Variants in C2CD3 observed in about 807,000 individuals in gnomAD.
C2CD3 encodes the protein C2 domain containing 3 centriole elongation regulator.
A neutral mutation model predicts 234.0 loss-of-function variants in C2CD3; 148 were observed. The ratio of observed to expected loss-of-function variants is 0.63; its 90% CI spans 0.55 to 0.72. The LOEUF (loss-of-function observed/expected upper bound fraction) is 0.72. C2CD3 is among the 30% of genes least tolerant of loss of function. The pLI, the probability that C2CD3 is intolerant of heterozygous loss-of-function variation, is 0.00. For missense variants in C2CD3, 2,577 were observed against 2,811.5 expected (o/e 0.92, Z 1.89); for synonymous variants, 1,000 against 1,035.4 (o/e 0.97, Z 0.66).
chr11:74,096,085 G>A (rs997950400), intron 16 of C2CD3, among the ~76,000 whole-genome samples: 7 of 152,202 alleles, frequency 4.6e-5, no homozygotes, highest in South Asian at 2.1e-4. Context: ...ACAAATAATC[G>A]TGTATTTATT....
At chr11:74,048,481 C>T (rs535953814) in intron 27 of C2CD3, 143 bp from the exon 28 acceptor site, 1 of 741,850 alleles carries the variant, frequency 1.3e-6, no homozygotes, top group Admixed American at 2.9e-5. Context: ...AAACAATTTA[C>T]ATACATTTTC....
At chr11:74,057,159 A>G (rs1953995964) in intron 25 of C2CD3, among the ~76,000 whole-genome samples, 1 of 152,202 alleles carries the variant, frequency 6.6e-6, no homozygotes, top group African/African-American at 2.4e-5. Flanking sequence ...CAAGTGCCTA[A>G]AACAGAGAGG....
intron 13 of C2CD3, among the ~76,000 whole-genome samples, chr11:74,105,484 T>C (rs1956483092): frequency 6.6e-6 from 1 of 152,184 alleles, no homozygotes; most frequent in Non-Finnish European, 1.5e-5. Context: ...TTGCCCAGGC[T>C]GGTCTAGAAC....
intron 19 of C2CD3, among the ~76,000 whole-genome samples, chr11:74,092,059 TA>T (rs1404966508): frequency 8.6e-4 from 131 of 151,450 alleles, no homozygotes; most frequent in African/African-American, 2.9e-3. Flanking sequence ...TATATATATA[TA>T]TTTTTTTTTT....
chr11:74,109,304 T>G (rs1441271807), intron 11 of C2CD3, 152 bp from the exon 12 acceptor site: 1 of 561,128 alleles, frequency 1.8e-6, no homozygotes, highest in African/African-American at 1.9e-5. Flanking sequence ...GTGCTAGGGT[T>G]GTAGGATTGA....
intron 24 of C2CD3, among the ~76,000 whole-genome samples, chr11:74,064,098 C>T (rs1487412652): frequency 1.3e-5 from 2 of 151,748 alleles, no homozygotes; most frequent in African/African-American, 4.8e-5. Context: ...CTTCCTGTGT[C>T]CATGTGTTCT....
intron 5 of C2CD3, among the ~76,000 whole-genome samples, chr11:74,135,386 G>A (rs1957827520): frequency 1.3e-5 from 2 of 151,860 alleles, no homozygotes; most frequent in East Asian, 3.9e-4. Context: ...TCCCACCACA[G>A]CCTCCCAAAG....
At chr11:74,118,498 A>ATT (rs2135518313) in intron 8 of C2CD3, 116 bp from the exon 9 acceptor site, 3 of 647,320 alleles carry the variant, frequency 4.6e-6, no homozygotes, top group Non-Finnish European at 7.7e-6. Flanking sequence ...TCTCTTAAAG[A>ATT]AAGAACTGAC....
intron 20 of C2CD3, among the ~76,000 whole-genome samples, chr11:74,089,827 A>C (rs1299833937): frequency 6.6e-6 from 1 of 152,212 alleles, no homozygotes; most frequent in African/African-American, 2.4e-5. Context: ...GTGTTAACAA[A>C]GGAAAAACCA....
At chr11:74,084,790 A>G in intron 22 of C2CD3, 91 bp downstream of exon 22, 3 of 780,444 alleles carry the variant, frequency 3.8e-6, no homozygotes, top group Non-Finnish European at 6.8e-6. Flanking sequence ...TTTCTTTTGA[A>G]TATCTTACAT....
At chr11:74,039,314 A>T (rs1417614981) in intron 29 of C2CD3, among the ~76,000 whole-genome samples, 1 of 152,232 alleles carries the variant, frequency 6.6e-6, no homozygotes, top group East Asian at 1.9e-4. Flanking sequence ...CTGAAATGAT[A>T]GCTGTGATTC....
In C2CD3 at chr11:74,170,845, A is replaced by G; in HGVS notation, c.-53T>C. The G allele has an allele frequency of 1.2e-6, 2 of 1,600,062 alleles. No individual in the cohort carries two copies. Among genetic ancestry groups the G allele is most frequent in the Non-Finnish European group, 1.7e-6 (2 of 1,171,304 alleles). ...TCAACTCCGTCTCCAGCACCTAAGC[A>G]GTATCCTCCCGCCATCCCTCCCCAC... On this transcript the variant is annotated 5_prime_UTR_variant, in exon 1 of 33. Transcript: ENST00000334126.
At position 74,074,237 on chromosome 11, in the gene C2CD3, G is replaced by A; in HGVS notation, c.4951+16C>T. The A allele has an allele frequency of 6.4e-7, 1 of 1,572,514 alleles. No homozygotes were observed. Among genetic ancestry groups the A allele is most frequent in the Non-Finnish European group, 8.7e-7 (1 of 1,145,936 alleles). On this transcript the variant is annotated intron_variant, in intron 24 of 32. Coordinates refer to ENST00000334126, the MANE Select transcript of C2CD3 (RefSeq NM_001286577.2). The stretch of plus-strand genomic sequence containing the variant: ...GAAGAGTTAGACATGCTCCTGGGTA[G>A]GTGAGGAGAGCATACCTTTCAAGCT...
chr11:74,073,772 T>C (rs1954907773), intron 24 of C2CD3, among the ~76,000 whole-genome samples: 1 of 152,182 alleles, frequency 6.6e-6, no homozygotes, highest in African/African-American at 2.4e-5. Context: ...CCTATATTCA[T>C]AATGAGAGGA....
Position 74,132,983 on chromosome 11 carries a change from GA to G in C2CD3, c.1089-12del. ...GAAAAGGCTCTGATCCTAAGGTGTG[GA>G]AAAATACTTTCTCACTGAGTGGCTA... On this transcript the variant is annotated splice_polypyrimidine_tract_variant and intron_variant, in intron 6 of 32. Coordinates refer to ENST00000334126, the MANE Select transcript of C2CD3 (RefSeq NM_001286577.2). 1 of 1,612,258 alleles carries G rather than the reference GA, an allele frequency of 6.2e-7. No individual in the cohort carries two copies. Among genetic ancestry groups the G allele is most frequent in the Non-Finnish European group, 8.5e-7 (1 of 1,179,128 alleles).
intron 30 of C2CD3, 71 bp downstream of exon 30, chr11:74,037,407 C>T: frequency 1.7e-6 from 2 of 1,182,104 alleles, no homozygotes; most frequent in Non-Finnish European, 2.5e-6. Flanking sequence ...TCCGAAGGAA[C>T]ACATTCAAAT....
chr11:74,064,456 T>C (rs1238116608), intron 24 of C2CD3, among the ~76,000 whole-genome samples: 1 of 152,196 alleles, frequency 6.6e-6, no homozygotes, highest in South Asian at 2.1e-4. Context: ...TCCATGCTCA[T>C]AGATAGGAAG....
At chr11:74,054,298 T>C in intron 26 of C2CD3, among the ~76,000 whole-genome samples, 1 of 148,638 alleles carries the variant, frequency 6.7e-6, no homozygotes, top group African/African-American at 2.5e-5. Context: ...AAAAATTAGC[T>C]AGGCATAGTG....
At chr11:74,151,300 A>G (rs1011187025) in intron 3 of C2CD3, among the ~76,000 whole-genome samples, 8 of 134,274 alleles carry the variant, frequency 6.0e-5, no homozygotes, top group Admixed American at 4.2e-4. Flanking sequence ...TAAGCATCCA[A>G]CACTCTTTAT....
Sources: gnomAD v4.1 joint callset for allele counts (sites outside exome capture counted in the v4.1 genomes callset) on GRCh38, gnomAD v4.1.1 for gene constraint, MANE v1.5 for transcripts, NCBI Gene and HGNC (gene_info 2026-07-23, HGNC 2026-07-21) for gene names.